The following LRRC4C variants were observed in gnomAD, a reference collection of about 807,000 sequenced individuals.
LRRC4C encodes leucine rich repeat containing 4C.
Under a neutral mutation model 33.6 loss-of-function variants are expected in LRRC4C, and 5 were observed. That is an observed-to-expected ratio of 0.15 (90% CI 0.08 to 0.31). The LOEUF (loss-of-function observed/expected upper bound fraction) is 0.31. LRRC4C is among the 10% of genes least tolerant of loss of function. The pLI, the probability that LRRC4C is intolerant of heterozygous loss-of-function variation, is 1.00. For synonymous variants in LRRC4C, 329 were observed against 302.0 expected (o/e 1.09, Z -0.93); for missense variants, 560 against 796.7 (o/e 0.70, Z 3.58).
rs750397357 is a variant in LRRC4C at position 40,731,102 on chromosome 11, GA to G, written c.-406-82825del. Among the ~76,000 whole-genome samples, 8 of 152,290 alleles carry G rather than the reference GA, an allele frequency of 5.3e-5. No homozygotes were observed. The East Asian group carries it at 1.5e-3, about 29-fold the overall frequency. ...TGGGAGGCCAAGGCAGGCGGATCAC[GA>G]GGTCAGGAGATCAAGACCATCCTGG... On this transcript the variant is annotated intron_variant, in intron 2 of 6. Coordinates refer to ENST00000528697, the MANE Select transcript of LRRC4C (RefSeq NM_001258419.2).
chr11:40,176,930 C>CTTTTT (rs36015905), intron 5 of LRRC4C, among the ~76,000 whole-genome samples: 6 of 82,628 alleles, frequency 7.3e-5, no homozygotes, highest in African/African-American at 2.5e-4. Flanking sequence ...CTGCCAGAGT[C>CTTTTT]TTTTTTTTTT....
At chr11:40,245,041 C>T (rs1866220829) in intron 4 of LRRC4C, among the ~76,000 whole-genome samples, 1 of 152,178 alleles carries the variant, frequency 6.6e-6, no homozygotes, top group Non-Finnish European at 1.5e-5. Context: ...CATTTTTCAG[C>T]TACTTTGTTT....
intron 5 of LRRC4C, among the ~76,000 whole-genome samples, chr11:40,210,227 T>A (rs1863487407): frequency 6.6e-6 from 1 of 151,210 alleles, no homozygotes; most frequent in South Asian, 2.1e-4. Context: ...AAGATCGGCC[T>A]GGGCGACAGA....
chr11:40,970,334 C>A (rs1030506800), intron 1 of LRRC4C, among the ~76,000 whole-genome samples: 1 of 152,104 alleles, frequency 6.6e-6, no homozygotes, highest in African/African-American at 2.4e-5. Context: ...ATAGTGATTT[C>A]TCTGGAGTTC....
chr11:40,793,585 A>G (rs539789478), intron 2 of LRRC4C, among the ~76,000 whole-genome samples: 7 of 152,174 alleles, frequency 4.6e-5, no homozygotes, highest in Admixed American at 4.6e-4. Context: ...TTTGACTCTT[A>G]TTTTACAAAT....
chr11:40,358,156 C>T lies in LRRC4C; in HGVS notation c.-269-38435G>A, dbSNP rs534097685. ...TGAGATTGTGCCACTGCACTCCAGC[C>T]TGGGAGAGAGAGAGAGACTCTGTCT... On this transcript the variant is annotated intron_variant, in intron 3 of 6. Transcript: ENST00000528697. Among the ~76,000 whole-genome samples, 6 of 151,382 alleles carry T rather than the reference C, an allele frequency of 4.0e-5. No individual in the cohort carries two copies. In the South Asian group the frequency reaches 1.3e-3, roughly 32 times the overall value.
At chr11:40,771,932 T>C (rs912854626) in intron 2 of LRRC4C, among the ~76,000 whole-genome samples, 1 of 152,158 alleles carries the variant, frequency 6.6e-6, no homozygotes, top group Non-Finnish European at 1.5e-5. Flanking sequence ...TTCCAAACTT[T>C]CCCACATTTT....
intron 1 of LRRC4C, among the ~76,000 whole-genome samples, chr11:41,302,283 A>ACC (rs1950308834): frequency 6.6e-6 from 1 of 152,222 alleles, no homozygotes; most frequent in Non-Finnish European, 1.5e-5. Flanking sequence ...ACCTTATTGA[A>ACC]GTGTTAATAT....
intron 5 of LRRC4C, among the ~76,000 whole-genome samples, chr11:40,221,514 T>C (rs994991158): frequency 2.0e-4 from 31 of 152,172 alleles, no homozygotes; most frequent in Non-Finnish European, 3.5e-4. Flanking sequence ...CATTTCTTCA[T>C]TCAGTCCACA....
intron 3 of LRRC4C, among the ~76,000 whole-genome samples, chr11:40,394,553 TA>T (rs1452212311): frequency 2.0e-5 from 3 of 151,958 alleles, no homozygotes; most frequent in African/African-American, 7.3e-5. Context: ...AGATAAAAAA[TA>T]AAAACAACTG....
intron 3 of LRRC4C, among the ~76,000 whole-genome samples, chr11:40,458,218 CTGTG>C (rs1322660187): frequency 1.3e-5 from 2 of 151,976 alleles, no homozygotes; most frequent in African/African-American, 4.8e-5. Context: ...CATGGACTGC[CTGTG>C]TGTGTGTCTG....
At chr11:40,693,420 G>C (rs1945321213) in intron 2 of LRRC4C, among the ~76,000 whole-genome samples, 1 of 152,102 alleles carries the variant, frequency 6.6e-6, no homozygotes, top group Admixed American at 6.6e-5. Context: ...ATGATTGAGT[G>C]AAATGTGTAT....
At chr11:40,586,139 T>C (rs886615264) in intron 3 of LRRC4C, among the ~76,000 whole-genome samples, 5 of 151,068 alleles carry the variant, frequency 3.3e-5, no homozygotes, top group African/African-American at 4.9e-5. Context: ...GCACCTGTTG[T>C]TTCCTGACTT....
chr11:40,316,629 T>C (rs191580748), intron 4 of LRRC4C, among the ~76,000 whole-genome samples: 117 of 152,130 alleles, frequency 7.7e-4, no homozygotes, highest in Non-Finnish European at 1.3e-3. Context: ...TCTAGGCGTT[T>C]AATAAACTTT....
intron 2 of LRRC4C, among the ~76,000 whole-genome samples, chr11:40,919,082 G>A (rs944986751): frequency 1.3e-5 from 2 of 152,234 alleles, no homozygotes; most frequent in Admixed American, 1.3e-4. Flanking sequence ...CTTTATTAAA[G>A]TTTGGTTATC....
At chr11:40,163,673 G>A (rs1334548216) in intron 5 of LRRC4C, among the ~76,000 whole-genome samples, 3 of 152,080 alleles carry the variant, frequency 2.0e-5, no homozygotes, top group Non-Finnish European at 4.4e-5. Context: ...TAACATAATA[G>A]CAAGTATGGT....
chr11:40,143,221 A>G (rs1857494720), intron 5 of LRRC4C, among the ~76,000 whole-genome samples: 1 of 152,170 alleles, frequency 6.6e-6, no homozygotes, highest in African/African-American at 2.4e-5. Context: ...TAATTGGAGT[A>G]TTCCATAGCC....
At chr11:40,935,393 A>C (rs1042018195) in intron 1 of LRRC4C, among the ~76,000 whole-genome samples, 9 of 152,156 alleles carry the variant, frequency 5.9e-5, no homozygotes, top group African/African-American at 2.2e-4. Context: ...ATGTCTGCTT[A>C]ATATAGTCAT....
At chr11:40,648,887 G>T (rs918599099) in intron 2 of LRRC4C, among the ~76,000 whole-genome samples, 37 of 152,180 alleles carry the variant, frequency 2.4e-4, no homozygotes, top group African/African-American at 7.0e-4. Context: ...CTGGGCCTCC[G>T]GGGGTGACCT....
Sources: allele counts gnomAD v4.1 joint callset (sites outside exome capture counted in the v4.1 genomes callset), GRCh38; gene constraint gnomAD v4.1.1; transcripts MANE v1.5; gene names NCBI Gene and HGNC (gene_info 2026-07-23, HGNC 2026-07-21).